Variants in KCNIP1 observed in about 807,000 individuals in gnomAD.
The protein encoded by KCNIP1 is potassium voltage-gated channel interacting protein 1, also known as A-type potassium channel modulatory protein KCNIP1.
A neutral mutation model predicts 33.0 loss-of-function variants in KCNIP1; 18 were observed. The ratio of observed to expected loss-of-function variants is 0.55; its 90% CI spans 0.38 to 0.81. The LOEUF (loss-of-function observed/expected upper bound fraction) is 0.81, where lower values mean the gene tolerates loss of function less well. KCNIP1 is among the 30% of genes least tolerant of loss of function. KCNIP1 has a pLI of 0.00. For synonymous variants in KCNIP1, 93 were observed against 98.3 expected (o/e 0.95, Z 0.32); for missense variants, 238 against 271.6 (o/e 0.88, Z 0.87).
intron 5 of KCNIP1, among the ~76,000 whole-genome samples, chr5:170,726,577 G>T (rs1490920338): frequency 6.6e-6 from 1 of 151,986 alleles, no homozygotes; most frequent in Non-Finnish European, 1.5e-5. Flanking sequence ...CTTTGATAAA[G>T]CTCAGCACAC....
intron 1 of KCNIP1, among the ~76,000 whole-genome samples, chr5:170,557,775 A>G (rs1408226167): frequency 1.3e-5 from 2 of 152,172 alleles, no homozygotes; most frequent in Non-Finnish European, 2.9e-5. Context: ...GAAGATGGGT[A>G]GGAATGAGGT....
chr5:170,635,889 C>T (rs1042176587), intron 1 of KCNIP1, among the ~76,000 whole-genome samples: 1 of 152,224 alleles, frequency 6.6e-6, no homozygotes, highest in Non-Finnish European at 1.5e-5. Flanking sequence ...TGCCAGTGCC[C>T]AGACACAGGC....
At chr5:170,585,798 A>C (rs1335021955) in intron 1 of KCNIP1, among the ~76,000 whole-genome samples, 1 of 152,226 alleles carries the variant, frequency 6.6e-6, no homozygotes, top group African/African-American at 2.4e-5. Flanking sequence ...CATGGAACCC[A>C]GTCGCAGGGC....
chr5:170,725,897 G>T (rs942452327), intron 5 of KCNIP1, among the ~76,000 whole-genome samples: 4 of 152,130 alleles, frequency 2.6e-5, no homozygotes, highest in African/African-American at 9.7e-5. Flanking sequence ...AAAGGGGAAA[G>T]AACCGTGTTT....
intron 1 of KCNIP1, among the ~76,000 whole-genome samples, chr5:170,482,696 C>T (rs984954601): frequency 6.6e-6 from 1 of 152,196 alleles, no homozygotes; most frequent in African/African-American, 2.4e-5. Flanking sequence ...TAAAAGTCCC[C>T]AGAGACCAGA....
chr5:170,541,178 T>C (rs1756193602), intron 1 of KCNIP1, among the ~76,000 whole-genome samples: 1 of 152,082 alleles, frequency 6.6e-6, no homozygotes, highest in Admixed American at 6.5e-5. Context: ...ATGGTAGGGG[T>C]GGGAAAAGGA....
chr5:170,580,850 GC>G (rs11284614), intron 1 of KCNIP1, among the ~76,000 whole-genome samples: 31,366 of 152,078 alleles, frequency 0.21, 3,669 homozygotes, highest in Middle Eastern at 0.4. Flanking sequence ...ATAAGGAAAA[GC>G]TTTTGAATAC....
intron 1 of KCNIP1, among the ~76,000 whole-genome samples, chr5:170,670,874 C>T (rs955442437): frequency 1.3e-4 from 19 of 148,870 alleles, no homozygotes; most frequent in Non-Finnish European, 2.2e-4. Flanking sequence ...CCAGCCTGGG[C>T]GACAGAGTGA....
chr5:170,553,954 A>G (rs1054325043), intron 1 of KCNIP1, among the ~76,000 whole-genome samples: 1 of 152,250 alleles, frequency 6.6e-6, no homozygotes, highest in African/African-American at 2.4e-5. Flanking sequence ...CAAGGCAGAA[A>G]GGCAATGTCA....
chr5:170,532,410 T>C (rs1172860429), intron 1 of KCNIP1, among the ~76,000 whole-genome samples: 1 of 152,186 alleles, frequency 6.6e-6, no homozygotes, highest in Non-Finnish European at 1.5e-5. Flanking sequence ...TTGACATCCA[T>C]TGACATGTCC....
chr5:170,357,096 T>G (rs773357739), intron 1 of KCNIP1, among the ~76,000 whole-genome samples: 10 of 151,754 alleles, frequency 6.6e-5, no homozygotes, highest in Non-Finnish European at 1.2e-4. Flanking sequence ...TTTTATTTAC[T>G]GGATTTCTCC....
At chr5:170,693,579 G>T (rs578235598) in intron 1 of KCNIP1, among the ~76,000 whole-genome samples, 1 of 152,296 alleles carries the variant, frequency 6.6e-6, no homozygotes, top group South Asian at 2.1e-4. Flanking sequence ...ATAGGACCCA[G>T]CTCTTCCCAC....
intron 7 of KCNIP1, 143 bp from the exon 8 acceptor site, chr5:170,735,616 C>T: frequency 1.5e-6 from 1 of 663,010 alleles, no homozygotes. Flanking sequence ...TTTCTAGGTC[C>T]CCACCCTTAC....
At chr5:170,637,079 A>T (rs1464908473) in intron 1 of KCNIP1, among the ~76,000 whole-genome samples, 1 of 151,790 alleles carries the variant, frequency 6.6e-6, no homozygotes, top group Non-Finnish European at 1.5e-5. Flanking sequence ...ATAGACAGCC[A>T]ATCAGCAGCC....
At chr5:170,492,395 G>A (rs953226216) in intron 1 of KCNIP1, among the ~76,000 whole-genome samples, 1 of 152,240 alleles carries the variant, frequency 6.6e-6, no homozygotes, top group Admixed American at 6.5e-5. Context: ...CTCCAGGCAT[G>A]CCTTTCTCCC....
rs116723224 is a variant in KCNIP1 at position 170,479,709 on chromosome 5, C to G, written c.88+125745C>G. Among the ~76,000 whole-genome samples, 1,146 of 152,284 alleles carry G rather than the reference C, an allele frequency of 7.5e-3. 18 individuals carry two copies. Among genetic ancestry groups the G allele is most frequent in the African/African-American group, 0.027 (1,108 of 41,544 alleles). On this transcript the variant is annotated intron_variant, in intron 1 of 7. Coordinates refer to the KCNIP1 transcript ENST00000377360. ...CCACATGGGGGCTCTGGAATCTTGGCTGTGATGCATTGGTAGGATATTTGT... is the reference window on the plus strand; with the variant it reads ...CCACATGGGGGCTCTGGAATCTTGGGTGTGATGCATTGGTAGGATATTTGT...
At chr5:170,509,600 G>C (rs916349325) in intron 1 of KCNIP1, among the ~76,000 whole-genome samples, 5 of 152,198 alleles carry the variant, frequency 3.3e-5, no homozygotes, top group African/African-American at 4.8e-5. Flanking sequence ...GTGAATGAAT[G>C]AAGCAACAAA....
At chr5:170,458,210 C>A (rs1053562391) in intron 1 of KCNIP1, among the ~76,000 whole-genome samples, 2 of 151,996 alleles carry the variant, frequency 1.3e-5, no homozygotes, top group Non-Finnish European at 2.9e-5. Context: ...ATTAAATGGC[C>A]AAACCTAAGA....
intron 1 of KCNIP1, among the ~76,000 whole-genome samples, chr5:170,552,642 A>C (rs1229723452): frequency 6.6e-6 from 1 of 152,180 alleles, no homozygotes; most frequent in Non-Finnish European, 1.5e-5. Context: ...CAGGAAATGC[A>C]GGAAATGAAA....
Sources: allele counts gnomAD v4.1 joint callset (sites outside exome capture counted in the v4.1 genomes callset), GRCh38; gene constraint gnomAD v4.1.1; transcripts MANE v1.5; gene names NCBI Gene and HGNC (gene_info 2026-07-23, HGNC 2026-07-21).